Variants in ZNF695 observed in about 807,000 individuals in gnomAD.
The protein encoded by ZNF695 is zinc finger protein SBZF3.
In ZNF695, 11 loss-of-function variants were observed where a neutral mutation model predicts 11.2. The observed-to-expected ratio is 0.98, with a 90% CI of 0.62 to 1.62. The LOEUF (loss-of-function observed/expected upper bound fraction) is 1.62, where lower values mean the gene tolerates loss of function less well. ZNF695 is among the 40% of genes most tolerant of loss of function. The probability of loss-of-function intolerance (pLI) is 0.00; values close to 1 mark genes in which losing one functional copy is unlikely to be tolerated. For missense variants in ZNF695, 559 were observed against 590.5 expected (o/e 0.95, Z 0.55); for synonymous variants, 190 against 201.4 (o/e 0.94, Z 0.48).
intron 5 of ZNF695, among the ~76,000 whole-genome samples, chr1:246,954,975 T>G (rs1173173862): frequency 6.6e-6 from 1 of 152,118 alleles, no homozygotes; most frequent in African/African-American, 2.4e-5. Flanking sequence ...CATCCAAATC[T>G]CATCTTGAAT....
At chr1:247,006,847 C>T (rs982948307) in intron 1 of ZNF695, among the ~76,000 whole-genome samples, 4 of 152,284 alleles carry the variant, frequency 2.6e-5, no homozygotes, top group South Asian at 2.1e-4. Flanking sequence ...ACTTAAATGG[C>T]AGACAATTAG....
chr1:246,999,946 A>G lies in ZNF695; in HGVS notation c.132T>C (p.Gly44=). 6.2e-7 allele frequency: 1 copy of G among 1,614,188 alleles called. No individual in the cohort carries two copies. The highest frequency in any genetic ancestry group is 2.2e-5 in the East Asian group (1 of 44,886). ...GGAATTGCATATTGAAGCTATCCTC[A>G]CCAAGGGAGATCAGGTTTCTGTAGT... ...LENYRNLISL[G]EDSFNMQFLF... Residue 44 remains glycine, a synonymous_variant, in exon 2 of 4, where the codon GGT becomes GGC. Coordinates refer to ENST00000339986, the MANE Select transcript of ZNF695 (RefSeq NM_020394.5).
intron 5 of ZNF695, among the ~76,000 whole-genome samples, chr1:246,951,405 T>A (rs1259821268): frequency 6.6e-6 from 1 of 152,166 alleles, no homozygotes; most frequent in Non-Finnish European, 1.5e-5. Context: ...GTTGGAGTGA[T>A]GTTGCCACAA....
Position 246,987,483 on chromosome 1 carries a change from T to A in ZNF695, c.1032A>T (p.Arg344Ser). 4 of 1,610,976 alleles carry A rather than the reference T, an allele frequency of 2.5e-6. No individual in the cohort carries two copies. The highest frequency in any genetic ancestry group is 3.4e-6 in the Non-Finnish European group (4 of 1,178,686). ...KLLSYLTQHR[R>S]IHTGEKTFRC... ...GGAAGGTTTTCTCTCCAGTATGAAT[T>A]CTTCTATGTTGAGTAAGGTATGACA... The change falls in exon 4 of 4, where the codon AGA (arginine) becomes AGT (serine). Residue 344 changes from arginine to serine, a missense_variant. Coordinates refer to ENST00000339986, the MANE Select transcript of ZNF695 (RefSeq NM_020394.5).
intron 5 of ZNF695, among the ~76,000 whole-genome samples, chr1:246,963,404 A>C (rs182937680): frequency 1.1e-3 from 166 of 152,320 alleles, no homozygotes; most frequent in Middle Eastern, 3.4e-3. Context: ...TAGGTAACAG[A>C]GTGAAACTCT....
intron 3 of ZNF695, among the ~76,000 whole-genome samples, chr1:246,995,813 C>CAAAAA (rs60375785): frequency 4.5e-4 from 30 of 66,730 alleles, no homozygotes; most frequent in East Asian, 1.3e-3. Flanking sequence ...GACTCTGTCT[C>CAAAAA]AAAAAAAAAA....
intron 3 of ZNF695, among the ~76,000 whole-genome samples, chr1:246,994,673 T>C (rs1441427811): frequency 6.7e-6 from 1 of 150,146 alleles, no homozygotes; most frequent in Non-Finnish European, 1.5e-5. Context: ...CCATCTCTAC[T>C]AAAATTACAA....
In ZNF695 at chr1:246,988,037, T is replaced by C. The variant is rs1471979289; in HGVS notation, c.478A>G (p.Lys160Glu). ...AATTTACTAAAACCTTTCACACATTTATTGCATTGAAAGTTTTTGCTATGA... is the reference window on the plus strand; with the variant it reads ...AATTTACTAAAACCTTTCACACATTCATTGCATTGAAAGTTTTTGCTATGA... ...TTHSKNFQCN[K>E]CVKGFSKFAN... The change falls in exon 4 of 4, where the codon AAA becomes GAA. Residue 160 changes from lysine to glutamate, a missense_variant. By Grantham distance (56) the Lys-to-Glu change is moderately conservative. Transcript: ENST00000339986. The C allele has an allele frequency of 6.2e-7, 1 of 1,602,202 alleles. No individual in the cohort carries two copies. Among genetic ancestry groups the C allele is most frequent in the Non-Finnish European group, 8.5e-7 (1 of 1,175,798 alleles).
At chr1:246,970,733 G>C in intron 4 of ZNF695, among the ~76,000 whole-genome samples, 1 of 152,210 alleles carries the variant, frequency 6.6e-6, no homozygotes, top group East Asian at 1.9e-4. Flanking sequence ...AAGACCCTTA[G>C]TAGAACGGCT....
At chr1:247,000,223 T>C (rs988718304) in intron 1 of ZNF695, 149 bp from the exon 2 acceptor site, 1 of 729,970 alleles carries the variant, frequency 1.4e-6, no homozygotes, top group African/African-American at 1.8e-5. Flanking sequence ...AAATATACTC[T>C]AGGCCGGGCG....
intron 4 of ZNF695, among the ~76,000 whole-genome samples, chr1:246,975,677 C>G (rs1275281792): frequency 1.3e-5 from 2 of 152,096 alleles, no homozygotes; most frequent in Non-Finnish European, 2.9e-5. Flanking sequence ...GGCAGAGGAG[C>G]TAGGAAGCAT....
chr1:246,967,805 A>G, intron 4 of ZNF695: 1 of 340,394 alleles, frequency 2.9e-6, no homozygotes, highest in South Asian at 2.4e-5. Flanking sequence ...GGCAGGAGAG[A>G]GAGAGCAAAG....
Position 246,964,885 on chromosome 1 carries a change from T to G in ZNF695, c.488+2810A>C, listed in dbSNP as rs556601259. Among the ~76,000 whole-genome samples, 32 of 151,458 alleles carry G rather than the reference T, an allele frequency of 2.1e-4. No homozygotes were observed. In the South Asian group the frequency reaches 6.3e-3, roughly 30 times the overall value. ...GTGAGACTCTGTCTCAAAAAAAAAT[T>G]TAATAAAAAATAAATTAGAAAATAA... is the stretch of plus-strand genomic sequence containing the variant. On this transcript the variant is annotated intron_variant, in intron 5 of 5. Coordinates refer to the ZNF695 transcript ENST00000487338.
Position 246,990,993 on chromosome 1 carries a change from C to T in ZNF695, c.260-2738G>A, listed in dbSNP as rs1669015011. 2.0e-5 allele frequency among the ~76,000 whole-genome samples: 3 copies of T among 152,090 alleles called. No individual in the cohort carries two copies. In the South Asian group the frequency reaches 6.2e-4, roughly 32 times the overall value. Reference sequence around the variant, plus strand: ...GGAAGTTTATAGTTACAAGTGCCTACATCAAAAAAGAGGGAAAACTTCAAC... The same window carrying T: ...GGAAGTTTATAGTTACAAGTGCCTATATCAAAAAAGAGGGAAAACTTCAAC... On this transcript the variant is annotated intron_variant, in intron 3 of 3. Coordinates refer to ENST00000339986, the MANE Select transcript of ZNF695 (RefSeq NM_020394.5).
At chr1:246,976,793 C>CAAAT (rs569407542) in intron 4 of ZNF695, among the ~76,000 whole-genome samples, 178 of 151,504 alleles carry the variant, frequency 1.2e-3, no homozygotes, top group Middle Eastern at 3.4e-3. Flanking sequence ...AACTCCGTCT[C>CAAAT]AAATAAATAA....
intron 5 of ZNF695, among the ~76,000 whole-genome samples, chr1:246,966,351 G>C (rs1047634874): frequency 6.6e-6 from 1 of 152,126 alleles, no homozygotes; most frequent in Non-Finnish European, 1.5e-5. Flanking sequence ...CATGGTGGCA[G>C]GTACCTGTAA....
chr1:246,966,538 A>C (rs1256196552), intron 5 of ZNF695, among the ~76,000 whole-genome samples: 3 of 151,766 alleles, frequency 2.0e-5, no homozygotes, highest in East Asian at 3.9e-4. Flanking sequence ...TAATCCCAGC[A>C]CTTTGGGAGG....
At chr1:246,995,869 G>A (rs962294076) in intron 3 of ZNF695, among the ~76,000 whole-genome samples, 15 of 150,052 alleles carry the variant, frequency 1.0e-4, no homozygotes, top group African/African-American at 3.7e-4. Flanking sequence ...GTTTGGTATT[G>A]GCATAAAGGC....
intron 5 of ZNF695, chr1:246,945,833 A>G: frequency 6.5e-7 from 1 of 1,550,054 alleles, no homozygotes. Context: ...GGACCCTGAA[A>G]AAAAGAAAGA....
Sources: gnomAD v4.1 joint callset for allele counts (sites outside exome capture counted in the v4.1 genomes callset) on GRCh38, gnomAD v4.1.1 for gene constraint, MANE v1.5 for transcripts, NCBI Gene and HGNC (gene_info 2026-07-23, HGNC 2026-07-21) for gene names.